The following SRRM2 variants were observed in gnomAD, a reference collection of about 807,000 sequenced individuals.
The protein encoded by SRRM2 is serine/arginine repetitive matrix protein 2.
In SRRM2, 30 loss-of-function variants were observed where a neutral mutation model predicts 213.8. The ratio of observed to expected loss-of-function variants is 0.14; its 90% CI spans 0.10 to 0.19. SRRM2 has a LOEUF of 0.19. SRRM2 is among the 10% of genes least tolerant of loss of function. SRRM2 has a pLI of 1.00. For missense variants in SRRM2, 4,904 were observed against 3,647.0 expected (o/e 1.34, Z -8.88); for synonymous variants, 2,025 against 1,377.7 (o/e 1.47, Z -10.40).
In SRRM2 at chr16:2,763,762, G is replaced by C. The variant is rs144810909; in HGVS notation, c.3234G>C (p.Gln1078His). The C allele has an allele frequency of 4.7e-5, 76 of 1,614,064 alleles. No individual in the cohort carries two copies. Among genetic ancestry groups the C allele is most frequent in the Non-Finnish European group, 6.2e-5 (73 of 1,180,052 alleles). Residue 1078 changes from glutamine to histidine, a missense_variant, in exon 11 of 15, where the codon CAG (glutamine) becomes CAC (histidine). Transcript: ENST00000301740. ...RSDTSSPEVR[Q>H]SHSESPSLQS... Reference sequence around the variant, plus strand: ...ATACTTCAAGTCCAGAAGTGAGACAGAGTCATTCAGAATCACCATCTCTGC... The same window carrying C: ...ATACTTCAAGTCCAGAAGTGAGACACAGTCATTCAGAATCACCATCTCTGC...
At position 2,768,099 on chromosome 16, in the gene SRRM2, T is replaced by C; in HGVS notation, c.7571T>C (p.Leu2524Pro). 1 of 1,614,184 alleles carries C rather than the reference T, an allele frequency of 6.2e-7. No individual in the cohort carries two copies. The highest frequency in any genetic ancestry group is 1.3e-5 in the African/African-American group (1 of 75,062). The change falls in exon 11 of 15, where the codon CTG (leucine) becomes CCG (proline). Residue 2524 changes from leucine (L) to proline (P), a missense_variant. Coordinates refer to ENST00000301740, the MANE Select transcript of SRRM2 (RefSeq NM_016333.4). ...CAGCAGCCTTCTGCATTAGCCGCCC[T>C]GCAGCCAGCAAAGGAGCGGCGGAGT... Reference protein sequence around the residue: ...GAQQPSALAALQPAKERRSSS... With the variant: ...GAQQPSALAAPQPAKERRSSS...
intron 2 of SRRM2, among the ~76,000 whole-genome samples, chr16:2,757,103 T>A (rs1021220081): frequency 6.6e-6 from 1 of 152,168 alleles, no homozygotes; most frequent in Non-Finnish European, 1.5e-5. Flanking sequence ...GAAAACTCTT[T>A]TAGAGCAGTG....
At position 2,766,887 on chromosome 16, in the gene SRRM2, C is replaced by T; in HGVS notation, c.6359C>T (p.Pro2120Leu). 1 of 1,614,060 alleles carries T rather than the reference C, an allele frequency of 6.2e-7. No homozygotes were observed. The highest frequency in any genetic ancestry group is 1.7e-4 in the Middle Eastern group (1 of 6,060). The change falls in exon 11 of 15, where the codon CCT becomes CTT. Residue 2120 changes from proline to leucine, a missense_variant. Pro to Leu is a moderately conservative substitution (Grantham distance 98, BLOSUM62 -3). Transcript: ENST00000301740. This position sits in a 1 kb window ranked among gnomAD's most constrained non-coding sequence, Gnocchi z 7.0. Reference sequence around the variant, plus strand: ...TCCAGAATGAGCTGCTTCAGTCGTCCTAGCATGTCCCCAACACCTCTTGAT... The same window carrying T: ...TCCAGAATGAGCTGCTTCAGTCGTCTTAGCATGTCCCCAACACCTCTTGAT... ...NSSRMSCFSR[P>L]SMSPTPLDRC...
Position 2,765,298 on chromosome 16 carries a change from A to G in SRRM2, c.4770A>G (p.Arg1590=), listed in dbSNP as rs1451857887. ...GSSPEVDSKS[R]LSPRRSRSGS... ...CTCCAGAGGTTGACAGCAAATCTCG[A>G]CTATCCCCTCGGCGCAGTAGGTCTG... Residue 1590 remains arginine (R), a synonymous_variant, in exon 11 of 15, where the codon CGA becomes CGG. Coordinates refer to ENST00000301740, the MANE Select transcript of SRRM2 (RefSeq NM_016333.4). The G allele has an allele frequency of 6.2e-7, 1 of 1,614,114 alleles. No individual in the cohort carries two copies. The highest frequency in any genetic ancestry group is 8.5e-7 in the Non-Finnish European group (1 of 1,180,024).
In SRRM2 at chr16:2,761,720, T is replaced by C; in HGVS notation, c.1192T>C (p.Ser398Pro). ...QEPVNPPSEA[S>P]PTRDRSPPKS... ...GCCAGTGAACCCCCCATCTGAGGCC[T>C]CTCCAACTCGGGACCGTTCACCACC... Residue 398 changes from serine (S) to proline (P), a missense_variant, in exon 11 of 15, where the codon TCT becomes CCT. Transcript: ENST00000301740. The C allele has an allele frequency of 6.2e-7, 1 of 1,607,174 alleles. No individual in the cohort carries two copies.
At chr16:2,757,359 G>T (rs2068181176) in intron 2 of SRRM2, 113 bp from the exon 3 acceptor site, 1 of 838,336 alleles carries the variant, frequency 1.2e-6, no homozygotes, top group Middle Eastern at 2.5e-4. Context: ...TGAGCGAAAA[G>T]TTCTGTGTGC....
chr16:2,769,189 C>T lies in SRRM2; in HGVS notation c.7926C>T (p.Ser2642=), dbSNP rs137907299. 86 of 1,610,150 alleles carry T rather than the reference C, an allele frequency of 5.3e-5. No individual in the cohort carries two copies. Among genetic ancestry groups the T allele is most frequent in the African/African-American group, 1.1e-4 (8 of 74,870 alleles). ...SSSSSSSSSS[S]SSSSSSPSPA... is the part of the protein sequence containing the mutation. ...CTTCTTCTTCCTCCTCATCTTCCTC[C>T]TCCTCGTCGTCTTCCTCCCCTTCCC... Residue 2642 remains serine (S), a synonymous_variant, in exon 12 of 15, where the codon TCC becomes TCT. Transcript: ENST00000301740.
Position 2,764,769 on chromosome 16 carries a change from C to G in SRRM2, c.4241C>G (p.Pro1414Arg). 6.2e-7 allele frequency: 1 copy of G among 1,614,126 alleles called. No homozygotes were observed. The highest frequency in any genetic ancestry group is 8.5e-7 in the Non-Finnish European group (1 of 1,180,020). ...SPVLDAVPRT[P>R]SRERSSSASS... is the part of the protein sequence containing the mutation. ...GTGCTTGATGCTGTACCCAGAACAC[C>G]CTCGAGAGAAAGAAGTAGTTCTGCA... Residue 1414 changes from proline to arginine, a missense_variant, in exon 11 of 15, where the codon CCC becomes CGC. Coordinates refer to ENST00000301740, the MANE Select transcript of SRRM2 (RefSeq NM_016333.4).
rs1266676806 is a variant in SRRM2 at position 2,768,522 on chromosome 16, A to G, written c.7733+261A>G. 3 of 676,120 alleles carry G rather than the reference A, an allele frequency of 4.4e-6. No homozygotes were observed. The African/African-American group carries it at 5.3e-5, about 12-fold the overall frequency. 41.9% of individuals were successfully genotyped at this position (676,120 alleles called of 1,614,324 possible). On this transcript the variant is annotated intron_variant, in intron 11 of 14. Transcript: ENST00000301740. ...CTCTACAGAGGACAGAACTAGAGGA[A>G]ATGGACTTAATTTTACAGCAGGAGG...
intron 14 of SRRM2, 42 bp downstream of exon 14, chr16:2,770,759 T>G (rs747975833): frequency 6.3e-7 from 1 of 1,598,252 alleles, no homozygotes; most frequent in Non-Finnish European, 8.5e-7. Context: ...CGGGAGCCAG[T>G]TGTGGTGGTG....
Position 2,757,857 on chromosome 16 carries a change from G to T in SRRM2, c.427G>T (p.Asp143Tyr). ...ACTCCGTGCTGCCTTTGGCATCAGT[G>T]ATTCTTACGTAGATGGCAGCTCTTT... is the stretch of plus-strand genomic sequence containing the variant. ...ERLRAAFGIS[D>Y]SYVDGSSFDP... The change falls in exon 4 of 15, where the codon GAT becomes TAT. Residue 143 changes from aspartate to tyrosine, a missense_variant. Transcript: ENST00000301740. 1 of 1,614,176 alleles carries T rather than the reference G, an allele frequency of 6.2e-7. No individual in the cohort carries two copies. The highest frequency in any genetic ancestry group is 8.5e-7 in the Non-Finnish European group (1 of 1,180,028).
At position 2,764,581 on chromosome 16, in the gene SRRM2, TAAA is replaced by T. The variant is rs1333627003; in HGVS notation, c.4054_4056del (p.Lys1352del). ...TGAATACTGGATTTTCTTCTGAGGT[TAAA>T]GAAGATTTGAATGGACCGTTTCTTA... On this transcript the variant is annotated inframe_deletion, in exon 11 of 15. Transcript: ENST00000301740. The T allele has an allele frequency of 1.2e-6, 2 of 1,614,088 alleles. No individual in the cohort carries two copies. The highest frequency in any genetic ancestry group is 1.3e-5 in the African/African-American group (1 of 74,936).
In SRRM2 at chr16:2,756,460, G is replaced by A; in HGVS notation, c.96G>A (p.Glu32=). The change falls in exon 2 of 15, where the codon GAG becomes GAA. Residue 32 remains glutamate, a synonymous_variant. Transcript: ENST00000301740. The part of the protein sequence containing the change: ...NLSLVRGRRG[E]RPDYKGEEEL... ...CCCTGGTGCGGGGCCGCCGGGGTGA[G>A]CGGCCTGACTACAAGGGAGAGGAGG... The A allele has an allele frequency of 6.2e-7, 1 of 1,613,512 alleles. No homozygotes were observed. The highest frequency in any genetic ancestry group is 1.1e-5 in the South Asian group (1 of 91,068).
At chr16:2,754,117 CGTTTG>C (rs781681047) in intron 1 of SRRM2, among the ~76,000 whole-genome samples, 26 of 152,136 alleles carry the variant, frequency 1.7e-4, no homozygotes, top group Admixed American at 2.6e-4. Context: ...TTTGTAATAT[CGTTTG>C]GTTTGGTGAT....
In SRRM2 at chr16:2,763,047, C is replaced by T. The variant is rs759972051; in HGVS notation, c.2519C>T (p.Pro840Leu). ...PSRQSHSSSS[P>L]HPKVKSGTPP... Reference sequence around the variant, plus strand: ...AGACAAAGTCATTCCAGTTCATCTCCTCATCCTAAAGTGAAATCTGGAACA... The same window carrying T: ...AGACAAAGTCATTCCAGTTCATCTCTTCATCCTAAAGTGAAATCTGGAACA... The change falls in exon 11 of 15, where the codon CCT (proline) becomes CTT (leucine). Residue 840 changes from proline (P) to leucine (L), a missense_variant. Transcript: ENST00000301740. 4 of 1,614,188 alleles carry T rather than the reference C, an allele frequency of 2.5e-6. No homozygotes were observed. The highest frequency in any genetic ancestry group is 3.4e-6 in the Non-Finnish European group (4 of 1,180,028).
intron 14 of SRRM2, 45 bp from the exon 15 acceptor site, chr16:2,770,812 AG>A (rs766477721): frequency 6.2e-7 from 1 of 1,613,492 alleles, no homozygotes; most frequent in Admixed American, 1.7e-5. Context: ...ACTGGCCTTG[AG>A]GGCTGGGGTG....
Position 2,767,515 on chromosome 16 carries a change from A to G in SRRM2, c.6987A>G (p.Thr2329=). 3 of 1,613,992 alleles carry G rather than the reference A, an allele frequency of 1.9e-6. No homozygotes were observed. Among genetic ancestry groups the G allele is most frequent in the Non-Finnish European group, 2.5e-6 (3 of 1,179,984 alleles). ...CAAACTATCCCTCCAGCTCCAGAAC[A>G]CCACAGGCTCCAGCCTCTGCAAACC... ...TAANYPSSSR[T]PQAPASANLV... Residue 2329 remains threonine, a synonymous_variant, in exon 11 of 15, where the codon ACA becomes ACG. Coordinates refer to ENST00000301740, the MANE Select transcript of SRRM2 (RefSeq NM_016333.4).
At chr16:2,758,060 T>A in intron 4 of SRRM2, 115 bp downstream of exon 4, 1 of 1,368,352 alleles carries the variant, frequency 7.3e-7, no homozygotes. Context: ...TTTGTTCTTC[T>A]GAAGTTGAGG....
At position 2,764,948 on chromosome 16, in the gene SRRM2, T is replaced by C. The variant is rs2068487816; in HGVS notation, c.4420T>C (p.Ser1474Pro). 2 of 1,614,092 alleles carry C rather than the reference T, an allele frequency of 1.2e-6. No individual in the cohort carries two copies. Among genetic ancestry groups the C allele is most frequent in the Admixed American group, 1.7e-5 (1 of 60,018 alleles). ...PGMKDIPRTP[S>P]RGRSECDSSP... ...AATGAAAGATATACCTAGAACGCCA[T>C]CTAGAGGGAGAAGCGAATGTGATTC... The change falls in exon 11 of 15, where the codon TCT becomes CCT. Residue 1474 changes from serine to proline, a missense_variant. Coordinates refer to ENST00000301740, the MANE Select transcript of SRRM2 (RefSeq NM_016333.4).
Sources: gnomAD v4.1 joint callset for allele counts (sites outside exome capture counted in the v4.1 genomes callset) on GRCh38, gnomAD v4.1.1 for gene constraint, Gnocchi (gnomAD v3.1) non-coding constraint, MANE v1.5 for transcripts, NCBI Gene and HGNC (gene_info 2026-07-23, HGNC 2026-07-21) for gene names.